The following ZNF385D variants were observed in gnomAD, a reference collection of about 807,000 sequenced individuals.
The protein encoded by ZNF385D is zinc finger protein 659.
ZNF385D carries 15 observed loss-of-function variants against 35.8 expected under a neutral mutation model. The observed-to-expected ratio is 0.42, with a 90% CI of 0.28 to 0.64. The LOEUF (loss-of-function observed/expected upper bound fraction) is 0.64, where lower values mean the gene tolerates loss of function less well. Among genes scored for constraint, ZNF385D ranks in the 30% least tolerant of loss-of-function variants. The probability of loss-of-function intolerance (pLI) is 0.23; values close to 1 mark genes in which losing one functional copy is unlikely to be tolerated. For missense variants in ZNF385D, 474 were observed against 494.6 expected (o/e 0.96, Z 0.39); for synonymous variants, 212 against 186.8 (o/e 1.13, Z -1.10).
At chr3:21,520,342 C>T (rs1575096780) in intron 3 of ZNF385D, among the ~76,000 whole-genome samples, 1 of 152,170 alleles carries the variant, frequency 6.6e-6, no homozygotes, top group Admixed American at 6.6e-5. Context: ...CATCCTGTCC[C>T]TAGGATCTAT....
At chr3:22,168,601 T>C (rs1031362396) in intron 3 of ZNF385D, 1 of 163,034 alleles carries the variant, frequency 6.1e-6, no homozygotes, top group Non-Finnish European at 1.3e-5. Flanking sequence ...GTAAATTTTC[T>C]GCAGGTCACA....
chr3:22,099,795 C>A (rs371246616), intron 3 of ZNF385D, among the ~76,000 whole-genome samples: 2 of 151,906 alleles, frequency 1.3e-5, no homozygotes, highest in East Asian at 3.9e-4. Flanking sequence ...GGTCAGAAGC[C>A]AAGCATTCAC....
chr3:22,227,661 C>T (rs191197593), intron 2 of ZNF385D, among the ~76,000 whole-genome samples: 1 of 152,080 alleles, frequency 6.6e-6, no homozygotes, highest in African/African-American at 2.4e-5. Flanking sequence ...AGCACCTCTC[C>T]GTAAGACATG....
At chr3:21,972,983 C>T (rs542269310) in intron 3 of ZNF385D, among the ~76,000 whole-genome samples, 2 of 151,962 alleles carry the variant, frequency 1.3e-5, no homozygotes, top group East Asian at 3.9e-4. Flanking sequence ...CTGAATTTTA[C>T]CAAAGTTTTG....
At position 21,587,166 on chromosome 3, in the gene ZNF385D, A is replaced by ACTT. The variant is rs970353886; in HGVS notation, c.166-22485_166-22483dup. ...CTGTGTGCTGTGTTAATGAATTTGG[A>ACTT]CTTTTCCCCTTTTAGCAATATTAGG... is the stretch of plus-strand genomic sequence containing the variant. On this transcript the variant is annotated intron_variant, in intron 2 of 7. Coordinates refer to ENST00000281523, the MANE Select transcript of ZNF385D (RefSeq NM_024697.3). Among the ~76,000 whole-genome samples, 24 of 152,288 alleles carry ACTT rather than the reference A, an allele frequency of 1.6e-4. 1 individual carries two copies. Among genetic ancestry groups the ACTT allele is most frequent in the Admixed American group, 1.1e-3 (17 of 15,282 alleles).
At chr3:22,331,623 A>C (rs1694940236) in intron 2 of ZNF385D, among the ~76,000 whole-genome samples, 1 of 152,178 alleles carries the variant, frequency 6.6e-6, no homozygotes, top group South Asian at 2.1e-4. Context: ...AGCAATTCAA[A>C]ACTTTGGTAC....
chr3:21,789,679 G>A (rs1286418470), intron 3 of ZNF385D, among the ~76,000 whole-genome samples: 1 of 152,030 alleles, frequency 6.6e-6, no homozygotes, highest in Non-Finnish European at 1.5e-5. Flanking sequence ...TCATTTGCCT[G>A]TATTTAGAAA....
At chr3:21,758,185 C>T (rs4532155) in intron 3 of ZNF385D, among the ~76,000 whole-genome samples, 7 of 152,020 alleles carry the variant, frequency 4.6e-5, no homozygotes, top group South Asian at 2.1e-4. Flanking sequence ...ATGGCATTTC[C>T]GTGATCTGTT....
At chr3:21,895,242 G>C (rs1699071757) in intron 3 of ZNF385D, among the ~76,000 whole-genome samples, 1 of 147,910 alleles carries the variant, frequency 6.8e-6, no homozygotes, top group South Asian at 2.2e-4. Context: ...ATAGGAGTCA[G>C]AACATGGCGG....
intron 2 of ZNF385D, among the ~76,000 whole-genome samples, chr3:21,604,989 G>A (rs2064433438): frequency 6.6e-6 from 1 of 152,186 alleles, no homozygotes; most frequent in East Asian, 1.9e-4. Flanking sequence ...GTTGCCTTGG[G>A]CATACCTCTG....
chr3:21,991,111 CA>C (rs1314576719), intron 3 of ZNF385D, among the ~76,000 whole-genome samples: 8 of 152,092 alleles, frequency 5.3e-5, no homozygotes, highest in Non-Finnish European at 1.2e-4. Context: ...TAATCATTTG[CA>C]AAAACTAATT....
chr3:21,728,735 CGTTCAAATCTTG>C (rs2068868568), intron 1 of ZNF385D, among the ~76,000 whole-genome samples: 3 of 152,286 alleles, frequency 2.0e-5, no homozygotes, highest in South Asian at 2.1e-4. Flanking sequence ...AGATTCAAGT[CGTTCAAATCTTG>C]GTTCAAATAT....
At chr3:21,725,603 G>C (rs1394493859) in intron 1 of ZNF385D, among the ~76,000 whole-genome samples, 1 of 152,048 alleles carries the variant, frequency 6.6e-6, no homozygotes, top group East Asian at 1.9e-4. Flanking sequence ...TAAATTCCTG[G>C]GCATATACAC....
At chr3:21,733,355 G>A (rs928379523) in intron 1 of ZNF385D, among the ~76,000 whole-genome samples, 1 of 152,000 alleles carries the variant, frequency 6.6e-6, no homozygotes, top group African/African-American at 2.4e-5. Context: ...ATATTATGTT[G>A]GCTCTCTAGG....
intron 3 of ZNF385D, among the ~76,000 whole-genome samples, chr3:22,106,581 G>C (rs1282693732): frequency 6.6e-6 from 1 of 152,090 alleles, no homozygotes; most frequent in Non-Finnish European, 1.5e-5. Context: ...GTCAGCTTGA[G>C]TCTCTCTCTC....
intron 3 of ZNF385D, among the ~76,000 whole-genome samples, chr3:21,947,249 T>C (rs1701836049): frequency 6.6e-6 from 1 of 152,218 alleles, no homozygotes; most frequent in Non-Finnish European, 1.5e-5. Flanking sequence ...AAATATATTT[T>C]GAGTTGCTTA....
At chr3:22,065,059 A>C (rs76188864) in intron 3 of ZNF385D, among the ~76,000 whole-genome samples, 4 of 152,212 alleles carry the variant, frequency 2.6e-5, no homozygotes, top group African/African-American at 7.2e-5. Context: ...CCCACTAGCT[A>C]TAAGTCCTTA....
chr3:21,502,517 C>G (rs531337799), intron 4 of ZNF385D, among the ~76,000 whole-genome samples: 2 of 152,064 alleles, frequency 1.3e-5, no homozygotes, highest in Non-Finnish European at 2.9e-5. Context: ...TAGGTCAAAA[C>G]TTTTATCAGC....
chr3:21,849,395 G>A (rs1169161054), intron 3 of ZNF385D, among the ~76,000 whole-genome samples: 2 of 151,874 alleles, frequency 1.3e-5, no homozygotes, highest in African/African-American at 4.8e-5. Flanking sequence ...ATGCTTTTCT[G>A]GTTCTTTAAC....
Sources: allele counts gnomAD v4.1 joint callset (sites outside exome capture counted in the v4.1 genomes callset), GRCh38; gene constraint gnomAD v4.1.1; transcripts MANE v1.5; gene names NCBI Gene and HGNC (gene_info 2026-07-23, HGNC 2026-07-21).